JAKMIP3: variants seen among roughly 807,000 people sequenced by gnomAD.
JAKMIP3 encodes Janus kinase and microtubule interacting protein 3.
Under a neutral mutation model 118.5 loss-of-function variants are expected in JAKMIP3, and 58 were observed. The ratio of observed to expected loss-of-function variants is 0.49; its 90% CI spans 0.40 to 0.61. The LOEUF (loss-of-function observed/expected upper bound fraction) is 0.61, where lower values mean the gene tolerates loss of function less well. Among genes scored for constraint, JAKMIP3 ranks in the 20% least tolerant of loss-of-function variants. The pLI is 0.00. For missense variants in JAKMIP3, 950 were observed against 1,109.0 expected, an observed-to-expected ratio of 0.86 and a Z score of 2.04; for synonymous variants, 486 against 451.2, an observed-to-expected ratio of 1.08 and a Z score of -0.98.
intron 13 of JAKMIP3, among the ~76,000 whole-genome samples, 200 bp downstream of exon 13, chr10:132,145,780 G>T (rs1185841096): frequency 6.6e-6 from 1 of 152,192 alleles, no homozygotes; most frequent in Non-Finnish European, 1.5e-5. Context: ...GGGAGCTGGG[G>T]CCTGTTCTCC....
At chr10:132,046,421 A>T (rs2037918103) in intron 1 of JAKMIP3, among the ~76,000 whole-genome samples, 1 of 151,304 alleles carries the variant, frequency 6.6e-6, no homozygotes, top group South Asian at 2.1e-4. Flanking sequence ...GCGCCACTGC[A>T]CTCCAGCCTG....
intron 16 of JAKMIP3, among the ~76,000 whole-genome samples, chr10:132,150,330 A>AT (rs1335886837): frequency 6.6e-6 from 1 of 152,156 alleles, no homozygotes; most frequent in Admixed American, 6.5e-5. Flanking sequence ...CCATGAGGAT[A>AT]GGGGGCTGTT....
chr10:132,119,029 G>A (rs1448436000), intron 3 of JAKMIP3, among the ~76,000 whole-genome samples: 1 of 152,170 alleles, frequency 6.6e-6, no homozygotes, highest in South Asian at 2.1e-4. Context: ...ACAGAAACCA[G>A]CAGTTCCCTG....
At chr10:132,134,950 A>G in intron 4 of JAKMIP3, 91 bp from the exon 5 acceptor site, 1 of 1,486,616 alleles carries the variant, frequency 6.7e-7, no homozygotes, top group Non-Finnish European at 9.3e-7. Flanking sequence ...GTCCCACGGC[A>G]GCGTTTTTGT....
chr10:132,139,505 T>A (rs918220006), intron 9 of JAKMIP3, among the ~76,000 whole-genome samples: 8 of 151,224 alleles, frequency 5.3e-5, no homozygotes, highest in African/African-American at 1.7e-4. Context: ...TGAGTGTGTA[T>A]GTGTGAGTGT....
intron 23 of JAKMIP3, among the ~76,000 whole-genome samples, chr10:132,175,286 G>A (rs150507369): frequency 4.8e-4 from 73 of 152,206 alleles, no homozygotes; most frequent in African/African-American, 1.7e-3. Context: ...TTTGCATATG[G>A]GGCTCAGTAT....
intron 23 of JAKMIP3, among the ~76,000 whole-genome samples, chr10:132,173,018 T>C (rs1222654414): frequency 1.4e-4 from 3 of 21,344 alleles, no homozygotes; most frequent in South Asian, 2.4e-3. Flanking sequence ...TCTCTCTCCC[T>C]CTCTCTCTCC....
At chr10:132,105,471 G>A (rs1039700555) in intron 2 of JAKMIP3, among the ~76,000 whole-genome samples, 14 of 151,276 alleles carry the variant, frequency 9.3e-5, no homozygotes, top group African/African-American at 3.4e-4. Context: ...CTGGCTGGAT[G>A]CCCAGCACTT....
At position 132,183,740 on chromosome 10, in the gene JAKMIP3, T is replaced by C. The variant is rs1340447547; in HGVS notation, c.*2487T>C. The C allele has an allele frequency of 2.0e-5, 3 of 152,212 alleles. No individual in the cohort carries two copies. Among genetic ancestry groups the C allele is most frequent in the Non-Finnish European group, 4.4e-5 (3 of 68,030 alleles). 9.4% of individuals were successfully genotyped at this position (152,212 alleles called of 1,614,324 possible). On this transcript the variant is annotated 3_prime_UTR_variant, in exon 24 of 24. Coordinates refer to ENST00000684848, the MANE Select transcript of JAKMIP3 (RefSeq NM_001323087.2). ...TATCATTGTTTTCACTCGTCTATCA[T>C]AGGCACCTTCTTTACATCTGATTAC... is the stretch of plus-strand genomic sequence containing the variant.
chr10:132,110,326 G>C (rs1286548802), intron 2 of JAKMIP3, among the ~76,000 whole-genome samples: 3 of 152,266 alleles, frequency 2.0e-5, no homozygotes, highest in Admixed American at 2.0e-4. Context: ...GGTGCCTCCA[G>C]CAGGGTCTCA....
intron 1 of JAKMIP3, among the ~76,000 whole-genome samples, chr10:132,101,308 C>A (rs2001751): frequency 0.43 from 65,188 of 151,940 alleles, 14,149 homozygotes; most frequent in East Asian, 0.6. Context: ...CTGTGATTGC[C>A]CCGCTGCTCT....
In JAKMIP3 at chr10:132,180,686, T is replaced by TGTGC. The variant is rs1554963205; in HGVS notation, c.*1104-1668_*1104-1667insCGTG. ...GTGTGCGTGTGTGTGCGCGCGCGTGTGTGTGCGTGCGTGTGTGTGTGCGCG... is the reference window on the plus strand; with the variant it reads ...GTGTGCGTGTGTGTGCGCGCGCGTGTGTGCGTGTGCGTGCGTGTGTGTGTGCGCG... On this transcript the variant is annotated intron_variant, in intron 23 of 23. Transcript: ENST00000684848. Among the ~76,000 whole-genome samples, 3 of 20,964 alleles carry TGTGC rather than the reference T, an allele frequency of 1.4e-4. 1 individual carries two copies. The highest frequency in any genetic ancestry group is 3.2e-4 in the African/African-American group (2 of 6,216). 13.8% of individuals were successfully genotyped at this position (20,964 alleles called of 152,430 possible).
At chr10:132,071,698 G>C (rs1258972009) in intron 1 of JAKMIP3, among the ~76,000 whole-genome samples, 3 of 152,108 alleles carry the variant, frequency 2.0e-5, no homozygotes, top group Non-Finnish European at 4.4e-5. Context: ...TATAGCTCTT[G>C]TTGTCCCTGT....
intron 1 of JAKMIP3, among the ~76,000 whole-genome samples, chr10:132,055,069 G>A (rs1378021741): frequency 1.3e-5 from 2 of 152,142 alleles, no homozygotes; most frequent in African/African-American, 4.8e-5. Flanking sequence ...GGGCTCAGGG[G>A]GCGCAGATTT....
rs868485821 is a variant in JAKMIP3, at chr10:132,180,704, T to C, written c.*1104-1653T>C. Among the ~76,000 whole-genome samples, 1,080 of 35,210 alleles carry C rather than the reference T, an allele frequency of 0.031. 247 individuals carry two copies. The East Asian group carries it at 0.31, about 10-fold the overall frequency. The allele number at this position is 35,210 out of a possible 152,430, so 23.1% of individuals were successfully genotyped here. A position where few individuals can be genotyped will look rare whatever the true frequency, so the allele number is the denominator to read the frequency against. ...GCGCGTGTGTGTGCGTGCGTGTGTG[T>C]GTGCGCGTGTGTGTGCGTGTGTGTG... On this transcript the variant is annotated intron_variant, in intron 23 of 23. Coordinates refer to ENST00000684848, the MANE Select transcript of JAKMIP3 (RefSeq NM_001323087.2).
chr10:132,131,954 C>CTGTTTT, intron 3 of JAKMIP3, among the ~76,000 whole-genome samples: 1 of 152,202 alleles, frequency 6.6e-6, no homozygotes, highest in Non-Finnish European at 1.5e-5. Context: ...CCACCGTGAG[C>CTGTTTT]AAGGTGGGGG....
intron 1 of JAKMIP3, among the ~76,000 whole-genome samples, chr10:132,103,757 A>G (rs1476616536): frequency 6.6e-6 from 1 of 152,042 alleles, no homozygotes; most frequent in Non-Finnish European, 1.5e-5. Flanking sequence ...ATACAGCAGG[A>G]GGCAAGCAGT....
intron 1 of JAKMIP3, among the ~76,000 whole-genome samples, chr10:132,066,446 C>T (rs143928155): frequency 2.6e-4 from 39 of 152,256 alleles, no homozygotes; most frequent in Admixed American, 6.5e-4. Context: ...GGTGAGAATC[C>T]CACGGACATA....
chr10:132,148,207 G>A (rs559960975), intron 14 of JAKMIP3, among the ~76,000 whole-genome samples, 157 bp downstream of exon 14: 107 of 152,278 alleles, frequency 7.0e-4, no homozygotes, highest in African/African-American at 2.5e-3. Context: ...GCCGTAAACC[G>A]CCACCTCTTC....
Sources: gnomAD v4.1 joint callset for allele counts (sites outside exome capture counted in the v4.1 genomes callset) on GRCh38, gnomAD v4.1.1 for gene constraint, MANE v1.5 for transcripts, NCBI Gene and HGNC (gene_info 2026-07-23, HGNC 2026-07-21) for gene names.